Variants in NEK1 observed in about 807,000 individuals in gnomAD.
The protein encoded by NEK1 is NIMA related kinase 1.
A neutral mutation model predicts 182.1 loss-of-function variants in NEK1; 137 were observed. The ratio of observed to expected loss-of-function variants is 0.75; its 90% CI spans 0.65 to 0.87. The LOEUF is 0.87. NEK1 is among the 40% of genes least tolerant of loss of function. The pLI is 0.00. For missense variants in NEK1, 1,391 were observed against 1,494.4 expected (o/e 0.93, Z 1.14); for synonymous variants, 513 against 492.2 (o/e 1.04, Z -0.56).
At position 169,561,883 on chromosome 4, in the gene NEK1, T is replaced by G; in HGVS notation, c.1089A>C (p.Ala363=). 1 of 1,602,746 alleles carries G rather than the reference T, an allele frequency of 6.2e-7. No individual in the cohort carries two copies. The highest frequency in any genetic ancestry group is 1.1e-5 in the South Asian group (1 of 87,720). Residue 363 remains alanine (A), a synonymous_variant, in exon 14 of 36, where the codon GCA becomes GCC. Transcript: ENST00000507142. The part of the protein sequence containing the change: ...EERRKISEEA[A]RKRRLEFIEK... ...CAATAAATTCCAGCCTTCTCTTTCT[T>G]GCTGCTTCCTTAAATAAAAAAAAGA... is the stretch of plus-strand genomic sequence containing the variant.
At chr4:169,565,732 A>G (rs1763570795) in intron 12 of NEK1, among the ~76,000 whole-genome samples, 1 of 152,228 alleles carries the variant, frequency 6.6e-6, no homozygotes, top group Non-Finnish European at 1.5e-5. Flanking sequence ...CCATTTATAT[A>G]AAATGTTCAG....
chr4:169,534,062 T>C (rs1043790843), intron 19 of NEK1, among the ~76,000 whole-genome samples: 7 of 152,176 alleles, frequency 4.6e-5, no homozygotes, highest in African/African-American at 1.7e-4. Flanking sequence ...ACAATGTAAG[T>C]AGGAAGATAA....
intron 35 of NEK1, among the ~76,000 whole-genome samples, chr4:169,396,923 C>T (rs1730818273): frequency 6.6e-6 from 1 of 152,096 alleles, no homozygotes; most frequent in Non-Finnish European, 1.5e-5. Flanking sequence ...AGATAGCTGT[C>T]TGGACAACTA....
rs532600086 is a variant in NEK1, at chr4:169,452,402, C to T, written c.2587+10841G>A. Reference sequence around the variant, plus strand: ...CCAATATCCCTGATGAACGTCGATGCGAAAATCCTCAGTAAAATACTGGCA... The same window carrying T: ...CCAATATCCCTGATGAACGTCGATGTGAAAATCCTCAGTAAAATACTGGCA... On this transcript the variant is annotated intron_variant, in intron 27 of 35. Coordinates refer to ENST00000507142, the MANE Select transcript of NEK1 (RefSeq NM_001199397.3). Among the ~76,000 whole-genome samples the T allele has an allele frequency of 3.6e-3, 550 of 152,238 alleles. 3 individuals carry two copies. Among genetic ancestry groups the T allele is most frequent in the South Asian group, 0.022 (105 of 4,826 alleles).
chr4:169,410,106 T>C lies in NEK1; in HGVS notation c.3223-3359A>G, dbSNP rs561705242. On this transcript the variant is annotated intron_variant, in intron 31 of 35. Coordinates refer to ENST00000507142, the MANE Select transcript of NEK1 (RefSeq NM_001199397.3). ...TACTATTTCTATGTTGTTTAAACAA[T>C]ATTCTATAGTTTTAATATCCACAAA... Among the ~76,000 whole-genome samples, 2 of 152,324 alleles carry C rather than the reference T, an allele frequency of 1.3e-5. 1 individual carries two copies. Among genetic ancestry groups the C allele is most frequent in the East Asian group, 3.9e-4 (2 of 5,188 alleles).
At chr4:169,600,992 A>G (rs1230672475) in intron 4 of NEK1, among the ~76,000 whole-genome samples, 1 of 152,222 alleles carries the variant, frequency 6.6e-6, no homozygotes, top group Non-Finnish European at 1.5e-5. Flanking sequence ...AACAACAAAA[A>G]AAGAAACTAA....
At chr4:169,603,400 T>C (rs934052718) in intron 2 of NEK1, among the ~76,000 whole-genome samples, 1 of 152,196 alleles carries the variant, frequency 6.6e-6, no homozygotes, top group South Asian at 2.1e-4. Context: ...TAAAGAACAC[T>C]AAAAAGTTTA....
At chr4:169,587,103 A>C (rs1767663130) in intron 9 of NEK1, among the ~76,000 whole-genome samples, 1 of 151,916 alleles carries the variant, frequency 6.6e-6, no homozygotes, top group Non-Finnish European at 1.5e-5. Context: ...AAGTCTCAAA[A>C]GTAAAAATTT....
At position 169,599,157 on chromosome 4, in the gene NEK1, T is replaced by C; in HGVS notation, c.255A>G (p.Gly85=). 2 of 1,613,340 alleles carry C rather than the reference T, an allele frequency of 1.2e-6. No homozygotes were observed. Among genetic ancestry groups the C allele is most frequent in the East Asian group, 4.5e-5 (2 of 44,822 alleles). ...CATTTATTCGCTTAAACAGATCCCC[T>C]CCCTCACAGTAATCCATTACTATGT... ...SLYIVMDYCE[G]GDLFKRINAQ... Residue 85 remains glycine (G), a synonymous_variant, in exon 5 of 36, where the codon GGA becomes GGG. Transcript: ENST00000507142.
chr4:169,408,023 A>G (rs572770419), intron 31 of NEK1, among the ~76,000 whole-genome samples: 1 of 152,164 alleles, frequency 6.6e-6, no homozygotes, highest in African/African-American at 2.4e-5. Context: ...TAGAATTCAC[A>G]CTTTCCTTGT....
At chr4:169,433,520 A>C in intron 29 of NEK1, 25 bp downstream of exon 29, 1 of 1,584,880 alleles carries the variant, frequency 6.3e-7, no homozygotes, top group African/African-American at 1.4e-5. Context: ...CTGGGTTTTA[A>C]AATGTCAGGA....
intron 19 of NEK1, among the ~76,000 whole-genome samples, chr4:169,519,742 ATTTTATTTC>A (rs1363691712): frequency 1.3e-5 from 1 of 78,378 alleles, no homozygotes; most frequent in African/African-American, 4.5e-5. Flanking sequence ...TCTATAAAGT[ATTTTATTTC>A]TCCTTCACTT....
At chr4:169,583,201 A>G (rs1766957725) in intron 10 of NEK1, among the ~76,000 whole-genome samples, 1 of 149,276 alleles carries the variant, frequency 6.7e-6, no homozygotes, top group Non-Finnish European at 1.5e-5. Context: ...CCAGAGGTGG[A>G]GGTTGCAGTG....
At chr4:169,604,778 T>A (rs759397048) in intron 2 of NEK1, among the ~76,000 whole-genome samples, 1 of 152,176 alleles carries the variant, frequency 6.6e-6, no homozygotes, top group Non-Finnish European at 1.5e-5. Context: ...GTATGACTCA[T>A]GAAATTTTGT....
chr4:169,569,629 T>C (rs1209597291), intron 12 of NEK1, among the ~76,000 whole-genome samples: 1 of 152,170 alleles, frequency 6.6e-6, no homozygotes, highest in East Asian at 1.9e-4. Context: ...GTGCCTGCGA[T>C]TGCAGGCGCG....
intron 27 of NEK1, among the ~76,000 whole-genome samples, chr4:169,446,826 G>A (rs903276009): frequency 2.6e-5 from 4 of 152,074 alleles, no homozygotes; most frequent in Non-Finnish European, 4.4e-5. Flanking sequence ...AAGAATTAGC[G>A]AGCTTGAAGA....
chr4:169,547,361 T>A (rs1760670659), intron 18 of NEK1, among the ~76,000 whole-genome samples: 1 of 152,198 alleles, frequency 6.6e-6, no homozygotes, highest in South Asian at 2.1e-4. Flanking sequence ...CCGATGGGCT[T>A]CCCTTTACCG....
chr4:169,483,646 C>T (rs1374567766), intron 23 of NEK1, among the ~76,000 whole-genome samples: 1 of 152,070 alleles, frequency 6.6e-6, no homozygotes, highest in African/African-American at 2.4e-5. Flanking sequence ...GCGGGTGGAT[C>T]ACAAGGTCAT....
intron 5 of NEK1, among the ~76,000 whole-genome samples, chr4:169,592,444 G>T (rs1314566677): frequency 6.6e-6 from 1 of 152,038 alleles, no homozygotes; most frequent in Admixed American, 6.6e-5. Context: ...GTGAAAAAAG[G>T]AAGTTCCAAA....
Sources: gnomAD v4.1 joint callset for allele counts (sites outside exome capture counted in the v4.1 genomes callset) on GRCh38, gnomAD v4.1.1 for gene constraint, MANE v1.5 for transcripts, NCBI Gene and HGNC (gene_info 2026-07-23, HGNC 2026-07-21) for gene names.